TEK: variants seen among roughly 807,000 people sequenced by gnomAD.
TEK encodes the protein angiopoietin-1 receptor.
TEK carries 43 observed loss-of-function variants against 131.8 expected under a neutral mutation model. The ratio of observed to expected loss-of-function variants is 0.33; its 90% CI spans 0.26 to 0.42. The LOEUF (loss-of-function observed/expected upper bound fraction) is 0.42, where lower values mean the gene tolerates loss of function less well. TEK is among the 10% of genes least tolerant of loss of function. The probability of loss-of-function intolerance (pLI) is 1.00; values close to 1 mark genes in which losing one functional copy is unlikely to be tolerated. For synonymous variants in TEK, 580 were observed against 491.6 expected, an observed-to-expected ratio of 1.18 and a Z score of -2.38; for missense variants, 1,162 against 1,384.4, an observed-to-expected ratio of 0.84 and a Z score of 2.55.
At chr9:27,206,525 G>A (rs1825406175) in intron 14 of TEK, 57 bp from the exon 15 acceptor site, 3 of 1,546,910 alleles carry the variant, frequency 1.9e-6, no homozygotes, top group African/African-American at 2.7e-5. Context: ...AAGACATTAT[G>A]CCCCTTAGAA....
chr9:27,190,788 C>A, intron 10 of TEK, 98 bp downstream of exon 10: 1 of 1,522,012 alleles, frequency 6.6e-7, no homozygotes, highest in Non-Finnish European at 9.1e-7. Context: ...CCTCAATCCT[C>A]TACCTCAAGG....
intron 1 of TEK, among the ~76,000 whole-genome samples, chr9:27,127,789 C>A (rs554525955): frequency 6.6e-6 from 1 of 152,300 alleles, no homozygotes; most frequent in Non-Finnish European, 1.5e-5. Flanking sequence ...TGAGAAGTGT[C>A]TGTTTATATC....
intron 2 of TEK, 58 bp downstream of exon 2, chr9:27,158,200 T>G (rs1219126676): frequency 1.2e-6 from 2 of 1,602,680 alleles, no homozygotes; most frequent in Non-Finnish European, 8.5e-7. Context: ...ACACACCTTT[T>G]GTCTTGGCAG....
intron 21 of TEK, among the ~76,000 whole-genome samples, chr9:27,224,716 T>C (rs1452027022): frequency 6.6e-6 from 1 of 152,168 alleles, no homozygotes; most frequent in Admixed American, 6.5e-5. Flanking sequence ...ATGCCCTCTC[T>C]CGCCCCTCCT....
chr9:27,222,422 C>T (rs1359830499), intron 21 of TEK, among the ~76,000 whole-genome samples: 2 of 152,012 alleles, frequency 1.3e-5, no homozygotes, highest in Non-Finnish European at 2.9e-5. Flanking sequence ...TTAGATTCAC[C>T]AAGGTTGAAA....
chr9:27,197,739 C>G, intron 12 of TEK, 140 bp downstream of exon 12: 1 of 1,049,172 alleles, frequency 9.5e-7, no homozygotes, highest in Admixed American at 2.0e-5. Context: ...TGCCCCCCAC[C>G]TAATCATTTT....
intron 21 of TEK, among the ~76,000 whole-genome samples, chr9:27,225,108 G>GGACACAAACA (rs1196223276): frequency 1.3e-5 from 2 of 152,134 alleles, no homozygotes; most frequent in East Asian, 3.9e-4. Flanking sequence ...AAATAAGAGA[G>GGACACAAACA]GACACAAACA....
intron 1 of TEK, among the ~76,000 whole-genome samples, chr9:27,116,859 A>ATTTT (rs66900456): frequency 8.3e-5 from 10 of 120,760 alleles, no homozygotes; most frequent in African/African-American, 9.7e-5. Context: ...ATGGAAAGAA[A>ATTTT]TTTTTTTTTT....
chr9:27,202,297 C>A (rs1825243764), intron 12 of TEK, among the ~76,000 whole-genome samples: 2 of 152,156 alleles, frequency 1.3e-5, no homozygotes, highest in Non-Finnish European at 2.9e-5. Context: ...AGGGCAAGGA[C>A]TGACCACATG....
intron 1 of TEK, among the ~76,000 whole-genome samples, chr9:27,135,376 A>G (rs1021885950): frequency 2.0e-5 from 3 of 152,248 alleles, no homozygotes; most frequent in South Asian, 2.1e-4. Context: ...TCTGTAGGGT[A>G]GGTTGCCACC....
chr9:27,173,484 C>G, intron 6 of TEK, 122 bp downstream of exon 6: 4 of 1,224,642 alleles, frequency 3.3e-6, no homozygotes, highest in Non-Finnish European at 4.8e-6. Context: ...TACTGGACAA[C>G]AGGATTTTGA....
At chr9:27,191,556 C>G (rs938973627) in intron 10 of TEK, among the ~76,000 whole-genome samples, 1 of 150,812 alleles carries the variant, frequency 6.6e-6, no homozygotes, top group African/African-American at 2.5e-5. Context: ...AAATGACCCT[C>G]TATTCACTAT....
At chr9:27,213,408 C>T (rs977221779) in intron 17 of TEK, 76 bp from the exon 18 acceptor site, 9 of 1,069,622 alleles carry the variant, frequency 8.4e-6, no homozygotes, top group Non-Finnish European at 1.3e-5. Flanking sequence ...CTATTGTTTT[C>T]TTTCCTGTTC....
intron 21 of TEK, among the ~76,000 whole-genome samples, chr9:27,223,114 A>G (rs1826156977): frequency 6.6e-6 from 1 of 152,226 alleles, no homozygotes; most frequent in Admixed American, 6.5e-5. Flanking sequence ...AGGAGCACCC[A>G]GATTCTTAAA....
chr9:27,227,980 A>C (rs79091100), intron 21 of TEK, among the ~76,000 whole-genome samples: 6,809 of 152,206 alleles, frequency 0.045, 338 homozygotes, highest in Admixed American at 0.14. Flanking sequence ...AGCTGAGACC[A>C]AGGTCCTGCA....
intron 1 of TEK, among the ~76,000 whole-genome samples, chr9:27,122,772 G>T (rs1821839139): frequency 6.6e-6 from 1 of 151,980 alleles, no homozygotes; most frequent in South Asian, 2.1e-4. Flanking sequence ...GGAGGAAAGA[G>T]GCCGGGCACA....
chr9:27,117,162 G>C (rs754386333), intron 1 of TEK, among the ~76,000 whole-genome samples: 2 of 152,102 alleles, frequency 1.3e-5, no homozygotes, highest in Non-Finnish European at 2.9e-5. Flanking sequence ...ACTGCGCCCG[G>C]CCGGAAAGAG....
intron 1 of TEK, among the ~76,000 whole-genome samples, chr9:27,133,602 C>T (rs1046332803): frequency 6.6e-6 from 1 of 152,152 alleles, no homozygotes; most frequent in Non-Finnish European, 1.5e-5. Context: ...CTAGTGCATG[C>T]CTCATCTTTC....
intron 3 of TEK, 111 bp downstream of exon 3, chr9:27,168,716 G>A: frequency 1.2e-6 from 1 of 825,920 alleles, no homozygotes; most frequent in Non-Finnish European, 2.0e-6. Context: ...TTGAATTAAA[G>A]CTGCTATGAT....
Sources: allele counts gnomAD v4.1 joint callset (sites outside exome capture counted in the v4.1 genomes callset), GRCh38; gene constraint gnomAD v4.1.1; transcripts MANE v1.5; gene names NCBI Gene and HGNC (gene_info 2026-07-23, HGNC 2026-07-21).